CHCHD6: variants seen among roughly 807,000 people sequenced by gnomAD.
CHCHD6 encodes MICOS complex subunit MIC25.
CHCHD6 carries 28 observed loss-of-function variants against 32.3 expected under a neutral mutation model. The observed-to-expected ratio is 0.87, with a 90% CI of 0.64 to 1.19. CHCHD6 has a LOEUF of 1.19. Ranked by LOEUF, CHCHD6 falls within the 50% of genes most tolerant of loss-of-function variation. CHCHD6 has a pLI of 0.00. For synonymous variants in CHCHD6, 122 were observed against 117.5 expected (o/e 1.04, Z -0.25); for missense variants, 333 against 307.0 (o/e 1.08, Z -0.63).
At chr3:126,945,199 T>C (rs1273155443) in intron 6 of CHCHD6, among the ~76,000 whole-genome samples, 1 of 151,936 alleles carries the variant, frequency 6.6e-6, no homozygotes, top group African/African-American at 2.4e-5. Flanking sequence ...TGGCTCACTG[T>C]GAACTGGCCA....
intron 4 of CHCHD6, among the ~76,000 whole-genome samples, chr3:126,778,639 G>A (rs553821693): frequency 1.3e-5 from 2 of 152,266 alleles, no homozygotes; most frequent in South Asian, 4.1e-4. Context: ...AGCTGAAGGA[G>A]GTTTTTTTGA....
chr3:126,711,770 T>C (rs1934758163), intron 1 of CHCHD6, among the ~76,000 whole-genome samples: 1 of 152,232 alleles, frequency 6.6e-6, no homozygotes, highest in Non-Finnish European at 1.5e-5. Context: ...TGAGTGCAGT[T>C]TGATGGAGCC....
chr3:126,917,294 A>G (rs1050523621), intron 6 of CHCHD6, among the ~76,000 whole-genome samples: 1 of 152,210 alleles, frequency 6.6e-6, no homozygotes. Context: ...GAGAGGTCGA[A>G]TAACTCCTTT....
In CHCHD6 at chr3:126,834,076, AAAG is replaced by A. The variant is rs1173779694; in HGVS notation, c.412-18568_412-18566del. ...CTCAAAAAAAAAAAAAAAAAAAAAA[AAAG>A]AATTACCAATAACGTTACTTAATTA... On this transcript the variant is annotated intron_variant, in intron 4 of 7. Transcript: ENST00000290913. Among the ~76,000 whole-genome samples the A allele has an allele frequency of 1.5e-4, 22 of 151,540 alleles. No individual in the cohort carries two copies. In the South Asian group the frequency reaches 3.9e-3, roughly 27 times the overall value.
At chr3:126,906,678 C>A (rs774659597) in intron 5 of CHCHD6, among the ~76,000 whole-genome samples, 4 of 152,222 alleles carry the variant, frequency 2.6e-5, no homozygotes, top group Non-Finnish European at 5.9e-5. Context: ...CCTTGTTGTT[C>A]CTTTTCACTT....
chr3:126,936,110 G>T (rs1416482707), intron 6 of CHCHD6, among the ~76,000 whole-genome samples: 1 of 152,222 alleles, frequency 6.6e-6, no homozygotes, highest in Non-Finnish European at 1.5e-5. Context: ...AAGCCAGCTT[G>T]TGCTGTGAAA....
At chr3:126,837,993 T>C (rs1576475760) in intron 4 of CHCHD6, among the ~76,000 whole-genome samples, 1 of 152,140 alleles carries the variant, frequency 6.6e-6, no homozygotes, top group South Asian at 2.1e-4. Context: ...TCCCTCATTC[T>C]CCCAGCCATG....
At chr3:126,947,829 C>A (rs4679134) in intron 6 of CHCHD6, among the ~76,000 whole-genome samples, 152,109 of 152,320 alleles carry the variant, frequency 1, 75,949 homozygotes, top group Non-Finnish European at 1. Flanking sequence ...CAGCACCTGG[C>A]AGCAGCTTTA....
chr3:126,893,608 T>C (rs1408940647), intron 5 of CHCHD6, among the ~76,000 whole-genome samples: 1 of 152,210 alleles, frequency 6.6e-6, no homozygotes, highest in Non-Finnish European at 1.5e-5. Context: ...GGGCTCCAGA[T>C]TCAGGGGTTG....
chr3:126,903,921 G>A (rs2077968512), intron 5 of CHCHD6, among the ~76,000 whole-genome samples: 1 of 152,152 alleles, frequency 6.6e-6, no homozygotes, highest in African/African-American at 2.4e-5. Flanking sequence ...TGGCTCCAGG[G>A]GATCCCATCC....
At chr3:126,911,575 C>T (rs185677233) in intron 5 of CHCHD6, among the ~76,000 whole-genome samples, 558 of 152,278 alleles carry the variant, frequency 3.7e-3, no homozygotes, top group South Asian at 9.1e-3. Flanking sequence ...CAGGACAGGA[C>T]GGGGAATTTC....
intron 6 of CHCHD6, chr3:126,949,623 G>A (rs542156499): frequency 1.2e-5 from 2 of 165,404 alleles, no homozygotes; most frequent in Non-Finnish European, 2.5e-5. Context: ...GCTGCTGCCC[G>A]GACTGCCGCC....
intron 4 of CHCHD6, among the ~76,000 whole-genome samples, chr3:126,803,494 C>G (rs1043283060): frequency 1.3e-5 from 2 of 152,188 alleles, no homozygotes; most frequent in African/African-American, 4.8e-5. Flanking sequence ...GTAAAGGGAT[C>G]AATTCAACAA....
chr3:126,887,526 C>A (rs906689757), intron 5 of CHCHD6, among the ~76,000 whole-genome samples: 1 of 152,168 alleles, frequency 6.6e-6, no homozygotes, highest in African/African-American at 2.4e-5. Flanking sequence ...GCTTACTCCC[C>A]CTAGCCCTGT....
intron 4 of CHCHD6, among the ~76,000 whole-genome samples, chr3:126,785,622 T>G (rs139549692): frequency 0.012 from 1,787 of 152,322 alleles, 93 homozygotes; most frequent in Admixed American, 0.093. Flanking sequence ...AAATTAACCA[T>G]CTTAAACATT....
At chr3:126,940,727 A>G (rs533917494) in intron 6 of CHCHD6, among the ~76,000 whole-genome samples, 27 of 152,332 alleles carry the variant, frequency 1.8e-4, no homozygotes, top group Admixed American at 1.7e-3. Context: ...ATTTTCAGCA[A>G]TATTTTTTCA....
At chr3:126,823,880 T>TACAAAAACAAAAACAAAAACAAAA (rs142328336) in intron 4 of CHCHD6, among the ~76,000 whole-genome samples, 2 of 151,126 alleles carry the variant, frequency 1.3e-5, no homozygotes, top group African/African-American at 2.4e-5. Flanking sequence ...ACCCTATCTC[T>TACAAAAACAAAAACAAAAACAAAA]ACAAAAACAA....
intron 4 of CHCHD6, among the ~76,000 whole-genome samples, chr3:126,782,622 G>C (rs1253899021): frequency 6.6e-6 from 1 of 152,230 alleles, no homozygotes; most frequent in Non-Finnish European, 1.5e-5. Context: ...GCTAGACTCA[G>C]GGTCCAAGGT....
At chr3:126,770,948 A>G (rs1937531819) in intron 4 of CHCHD6, among the ~76,000 whole-genome samples, 1 of 152,044 alleles carries the variant, frequency 6.6e-6, no homozygotes, top group Non-Finnish European at 1.5e-5. Context: ...CTGTGAATCC[A>G]TTTGGTCTTG....
Sources: gnomAD v4.1 joint callset for allele counts (sites outside exome capture counted in the v4.1 genomes callset) on GRCh38, gnomAD v4.1.1 for gene constraint, MANE v1.5 for transcripts, NCBI Gene and HGNC (gene_info 2026-07-23, HGNC 2026-07-21) for gene names.